The following KLF12 variants were observed in gnomAD, a reference collection of about 807,000 sequenced individuals.
The protein encoded by KLF12 is Krueppel-like factor 12.
KLF12 carries 9 observed loss-of-function variants against 37.8 expected under a neutral mutation model. The ratio of observed to expected loss-of-function variants is 0.24; its 90% CI spans 0.14 to 0.42. The LOEUF (loss-of-function observed/expected upper bound fraction) is 0.42. Ranked by LOEUF, KLF12 falls within the 10% of genes least tolerant of loss-of-function variation. KLF12 has a pLI of 1.00. For missense variants in KLF12, 411 were observed against 516.0 expected (o/e 0.80, Z 1.97); for synonymous variants, 208 against 202.1 (o/e 1.03, Z -0.25).
At chr13:74,191,299 T>C in the KLF12 span, among the ~76,000 whole-genome samples, 2 of 152,356 alleles carry the variant, frequency 1.3e-5, no homozygotes, top group South Asian at 4.1e-4. Context: ...AAGCCACATC[T>C]GAGGTTTCTT....
intron 1 of KLF12, among the ~76,000 whole-genome samples, chr13:74,086,312 C>T (rs573152238): frequency 1.4e-5 from 2 of 142,128 alleles, no homozygotes; most frequent in Non-Finnish European, 3.0e-5. Flanking sequence ...TGTTCCCCTT[C>T]CTGTGTCCAT....
At chr13:74,270,235 AC>A in the KLF12 span, among the ~76,000 whole-genome samples, 1 of 151,872 alleles carries the variant, frequency 6.6e-6, no homozygotes, top group Non-Finnish European at 1.5e-5. Context: ...TTCATGGCAG[AC>A]TCCTAGGTAA....
chr13:73,904,788 G>A (rs960449616), intron 3 of KLF12, among the ~76,000 whole-genome samples: 1 of 152,032 alleles, frequency 6.6e-6, no homozygotes, highest in African/African-American at 2.4e-5. Flanking sequence ...ACAGTGATGC[G>A]TGTAGTTCAG....
intron 7 of KLF12, among the ~76,000 whole-genome samples, chr13:73,702,376 C>A (rs1362199534): frequency 6.6e-6 from 1 of 152,128 alleles, no homozygotes; most frequent in Non-Finnish European, 1.5e-5. Flanking sequence ...CCAAAACCCA[C>A]CAAACAAAAA....
At position 73,695,550 on chromosome 13, in the gene KLF12, A is replaced by G. The variant is rs1593965869; in HGVS notation, c.1149T>C (p.Asp383=). The change falls in exon 8 of 8, where the codon GAT becomes GAC. Residue 383 remains aspartate (D), a synonymous_variant. Transcript: ENST00000377669. ...AATGATCTGACCGGGAAAAGCTGCG[A>G]TCACAGTCCGCGCACTTGAATGGCT... 3.6e-5 allele frequency: 58 copies of G among 1,614,096 alleles called. No homozygotes were observed. The highest frequency in any genetic ancestry group is 4.9e-5 in the Non-Finnish European group (58 of 1,179,968).
chr13:73,888,136 G>C (rs1000053998), intron 3 of KLF12, among the ~76,000 whole-genome samples: 3 of 151,918 alleles, frequency 2.0e-5, no homozygotes, highest in African/African-American at 7.3e-5. Context: ...CCAAGTAGCT[G>C]GGACCACAGA....
chr13:74,244,923 T>C, the KLF12 span, among the ~76,000 whole-genome samples: 5,438 of 152,266 alleles, frequency 0.036, 231 homozygotes, highest in African/African-American at 0.1. Context: ...TTTAAGATGG[T>C]GACAGCAGCA....
rs528367651 is a variant in KLF12, at chr13:73,884,156, G to A, written c.124-37783C>T. ...AGATGGAACTCTTTCTCATCTGGAA[G>A]GAAGATATTAACAGTACCTGCCCTC... is the stretch of plus-strand genomic sequence containing the variant. On this transcript the variant is annotated intron_variant, in intron 3 of 7. Coordinates refer to ENST00000377669, the MANE Select transcript of KLF12 (RefSeq NM_007249.5). Among the ~76,000 whole-genome samples the A allele has an allele frequency of 3.9e-5, 6 of 152,252 alleles. No homozygotes were observed. The East Asian group carries it at 9.7e-4, about 25-fold the overall frequency.
chr13:74,231,790 T>A, the KLF12 span: 1 of 152,136 alleles, frequency 6.6e-6, no homozygotes, highest in African/African-American at 2.4e-5. Flanking sequence ...TGCACAGGAA[T>A]TATTATTATA....
chr13:74,197,429 T>C, the KLF12 span, among the ~76,000 whole-genome samples: 1,544 of 151,266 alleles, frequency 0.01, 88 homozygotes, highest in Admixed American at 0.093. Flanking sequence ...TAAGGATCAT[T>C]CTCCCTCCAA....
chr13:74,042,899 A>G (rs757215162), intron 1 of KLF12, among the ~76,000 whole-genome samples: 4 of 152,232 alleles, frequency 2.6e-5, no homozygotes, highest in Non-Finnish European at 4.4e-5. Flanking sequence ...TAGTACCTCA[A>G]TATCCCAGGA....
intron 6 of KLF12, among the ~76,000 whole-genome samples, chr13:73,718,878 A>T (rs1488243477): frequency 2.0e-5 from 3 of 152,220 alleles, no homozygotes; most frequent in African/African-American, 7.2e-5. Context: ...TGGGTGAAAG[A>T]GCGAGACCTG....
chr13:73,825,560 A>G (rs930409018), intron 4 of KLF12, among the ~76,000 whole-genome samples: 6 of 152,242 alleles, frequency 3.9e-5, no homozygotes, highest in African/African-American at 1.4e-4. Context: ...CATTTTCTAA[A>G]GAAGATAAGA....
chr13:74,068,584 C>T (rs560107136), intron 1 of KLF12, among the ~76,000 whole-genome samples: 165 of 142,588 alleles, frequency 1.2e-3, no homozygotes, highest in African/African-American at 4.2e-3. Context: ...TGAGACTGAG[C>T]TCTGCTCTCT....
At chr13:73,739,859 T>G (rs1770228399) in intron 6 of KLF12, among the ~76,000 whole-genome samples, 1 of 152,264 alleles carries the variant, frequency 6.6e-6, no homozygotes, top group Admixed American at 6.5e-5. Context: ...TTGGATAATT[T>G]TATCTTTTAA....
chr13:73,975,334 T>A (rs1891482522), intron 2 of KLF12, among the ~76,000 whole-genome samples: 1 of 152,208 alleles, frequency 6.6e-6, no homozygotes, highest in Non-Finnish European at 1.5e-5. Flanking sequence ...CTTAAAAAGA[T>A]CTCATTTTCC....
At chr13:73,714,311 G>C (rs768604351) in intron 7 of KLF12, among the ~76,000 whole-genome samples, 22 of 152,186 alleles carry the variant, frequency 1.4e-4, no homozygotes, top group Non-Finnish European at 3.1e-4. Context: ...ACAGGGAGCA[G>C]AGAGAGAACA....
At chr13:74,241,832 G>A in the KLF12 span, among the ~76,000 whole-genome samples, 1 of 152,260 alleles carries the variant, frequency 6.6e-6, no homozygotes, top group African/African-American at 2.4e-5. Context: ...CCACTGACCT[G>A]CGCCCACTGT....
intron 6 of KLF12, among the ~76,000 whole-genome samples, chr13:73,739,278 T>TA (rs1877779572): frequency 1.4e-5 from 2 of 139,582 alleles, no homozygotes; most frequent in African/African-American, 5.7e-5. Flanking sequence ...TAATAATAAA[T>TA]GTACTTGTCT....
Sources: gnomAD v4.1 joint callset for allele counts (sites outside exome capture counted in the v4.1 genomes callset) on GRCh38, gnomAD v4.1.1 for gene constraint, MANE v1.5 for transcripts, NCBI Gene and HGNC (gene_info 2026-07-23, HGNC 2026-07-21) for gene names.